ADAM29: variants seen among roughly 807,000 people sequenced by gnomAD.
ADAM29 encodes the protein disintegrin and metalloproteinase domain-containing protein 29.
For synonymous variants in ADAM29, 367 were observed against 342.3 expected, an observed-to-expected ratio of 1.07 and a Z score of -0.80; for missense variants, 969 against 1,001.8, an observed-to-expected ratio of 0.97 and a Z score of 0.44.
At chr4:174,919,320 C>CTCAT (rs747711773) in intron 1 of ADAM29, among the ~76,000 whole-genome samples, 9 of 152,090 alleles carry the variant, frequency 5.9e-5, no homozygotes, top group Non-Finnish European at 1.0e-4. Context: ...AGAGATGATT[C>CTCAT]TTTGGGTCTC....
rs1243926053 is a variant in ADAM29, at chr4:174,956,540, T to C, written c.-180-18806T>C. 2.0e-5 allele frequency among the ~76,000 whole-genome samples: 3 copies of C among 151,420 alleles called. No individual in the cohort carries two copies. In the East Asian group the frequency reaches 5.8e-4, roughly 29 times the overall value. On this transcript the variant is annotated intron_variant, in intron 4 of 4. Coordinates refer to ENST00000359240, the MANE Select transcript of ADAM29 (RefSeq NM_014269.4). Reference sequence around the variant, plus strand: ...AGAGAGAGAAAAAAAAGAGAGAGAATAATGAATAAGAGCTATAGAATCACT... The same window carrying C: ...AGAGAGAGAAAAAAAAGAGAGAGAACAATGAATAAGAGCTATAGAATCACT...
rs113860730 is a variant in ADAM29, at chr4:174,976,851, T to C, written c.1326T>C (p.Cys442=). 121 of 1,614,096 alleles carry C rather than the reference T, an allele frequency of 7.5e-5. 1 individual carries two copies. Among genetic ancestry groups the C allele is most frequent in the Non-Finnish European group, 9.6e-5 (113 of 1,180,056 alleles). Residue 442 remains cysteine, a synonymous_variant, in exon 5 of 5, where the codon TGT becomes TGC. Transcript: ENST00000359240. ...GTTCTACTTGTGCTTTTGGGCTTTGTTGCAAAGACTGCAAGTTCCTACCAT... is the reference window on the plus strand; with the variant it reads ...GTTCTACTTGTGCTTTTGGGCTTTGCTGCAAAGACTGCAAGTTCCTACCAT... ...TDGSTCAFGL[C]CKDCKFLPSG...
chr4:174,975,667 C>T lies in ADAM29; in HGVS notation c.142C>T (p.Pro48Ser), dbSNP rs754062912. The T allele has an allele frequency of 6.2e-7, 1 of 1,613,252 alleles. No individual in the cohort carries two copies. Among genetic ancestry groups the T allele is most frequent in the Non-Finnish European group, 8.5e-7 (1 of 1,179,624 alleles). ...AACTGGCACCACCAGAGGCATGACA[C>T]CTCCAGGCTGGCTCTCCTATATCCT... is the stretch of plus-strand genomic sequence containing the variant. The part of the protein sequence containing the change: ...RITGTTRGMT[P>S]PGWLSYILPF... Residue 48 changes from proline (P) to serine (S), a missense_variant, in exon 5 of 5, where the codon CCT becomes TCT. Pro to Ser is a moderately conservative substitution (Grantham distance 74). Coordinates refer to ENST00000359240, the MANE Select transcript of ADAM29 (RefSeq NM_014269.4).
At chr4:174,932,872 G>A (rs12647292) in intron 3 of ADAM29, among the ~76,000 whole-genome samples, 31,877 of 152,014 alleles carry the variant, frequency 0.21, 4,167 homozygotes, top group East Asian at 0.55. Flanking sequence ...AGGAATCAAA[G>A]AATAGATAAG....
chr4:174,932,003 A>G (rs1297984296), intron 3 of ADAM29, among the ~76,000 whole-genome samples: 3 of 152,140 alleles, frequency 2.0e-5, no homozygotes, highest in Non-Finnish European at 4.4e-5. Context: ...ATGACAATAC[A>G]TGAGGCCAGG....
chr4:174,944,716 G>A (rs910095974), intron 4 of ADAM29, among the ~76,000 whole-genome samples: 2 of 152,056 alleles, frequency 1.3e-5, no homozygotes, highest in East Asian at 3.9e-4. Context: ...CATGTCTGTT[G>A]TTCTATCCTT....
intron 2 of ADAM29, among the ~76,000 whole-genome samples, chr4:174,930,366 C>G (rs1053441392): frequency 6.6e-6 from 1 of 152,142 alleles, no homozygotes; most frequent in African/African-American, 2.4e-5. Context: ...AATAATATGT[C>G]TCTTCATTCT....
chr4:174,945,262 T>A (rs563027605), intron 4 of ADAM29, among the ~76,000 whole-genome samples: 4 of 151,660 alleles, frequency 2.6e-5, no homozygotes, highest in African/African-American at 9.7e-5. Context: ...TTGAACTGTT[T>A]CATATGCTTG....
In ADAM29 at chr4:174,976,796, G is replaced by T; in HGVS notation, c.1271G>T (p.Cys424Phe). 3.1e-6 allele frequency: 5 copies of T among 1,614,156 alleles called. No individual in the cohort carries two copies. The highest frequency in any genetic ancestry group is 2.5e-6 in the Non-Finnish European group (3 of 1,180,024). ...GPLKHCAKDPCCLSNCTLTDG... is the reference protein window; with the variant it reads ...GPLKHCAKDPFCLSNCTLTDG... ...TTAAAGCATTGTGCAAAAGATCCCT[G>T]CTGTCTGTCAAATTGCACTCTGACT... The change falls in exon 5 of 5, where the codon TGC (cysteine) becomes TTC (phenylalanine). Residue 424 changes from cysteine to phenylalanine, a missense_variant. Cys to Phe is a radical substitution (Grantham distance 205). Coordinates refer to ENST00000359240, the MANE Select transcript of ADAM29 (RefSeq NM_014269.4).
chr4:174,936,071 G>T (rs528507963), intron 3 of ADAM29, among the ~76,000 whole-genome samples: 1 of 152,038 alleles, frequency 6.6e-6, no homozygotes, highest in South Asian at 2.1e-4. Context: ...AACAGCCCAG[G>T]GCAAAATTGG....
chr4:174,946,100 A>G (rs1744835518), intron 4 of ADAM29, among the ~76,000 whole-genome samples: 1 of 152,138 alleles, frequency 6.6e-6, no homozygotes, highest in South Asian at 2.1e-4. Flanking sequence ...CATTTTAAGA[A>G]TATCGATTCT....
intron 3 of ADAM29, among the ~76,000 whole-genome samples, chr4:174,931,963 A>T (rs1039734710): frequency 2.6e-5 from 4 of 152,160 alleles, no homozygotes; most frequent in Non-Finnish European, 5.9e-5. Context: ...CATTGAAATG[A>T]AATATTTTTC....
chr4:174,962,218 T>C (rs1243589677), intron 4 of ADAM29, among the ~76,000 whole-genome samples: 1 of 152,138 alleles, frequency 6.6e-6, no homozygotes, highest in South Asian at 2.1e-4. Flanking sequence ...GTTAAAAAGA[T>C]TTACAGTTAG....
At chr4:174,928,464 A>G (rs1453076090) in intron 2 of ADAM29, among the ~76,000 whole-genome samples, 2 of 149,564 alleles carry the variant, frequency 1.3e-5, no homozygotes, top group Non-Finnish European at 3.0e-5. Context: ...AGCTGTGCGG[A>G]TGTCACAAAC....
rs143611924 is a variant in ADAM29, at chr4:174,945,941, T to C, written c.-181+8928T>C. Reference sequence around the variant, plus strand: ...CAGGTAATATGATGCCTCAGCTTTGTTCTTTTTGCTTAGAATTGCCTTGAC... The same window carrying C: ...CAGGTAATATGATGCCTCAGCTTTGCTCTTTTTGCTTAGAATTGCCTTGAC... On this transcript the variant is annotated intron_variant, in intron 4 of 4. Coordinates refer to ENST00000359240, the MANE Select transcript of ADAM29 (RefSeq NM_014269.4). Among the ~76,000 whole-genome samples the C allele has an allele frequency of 9.1e-4, 139 of 152,300 alleles. 6 individuals carry two copies. The East Asian group carries it at 0.024, about 26-fold the overall frequency.
chr4:174,918,693 T>C (rs149871806), intron 1 of ADAM29, among the ~76,000 whole-genome samples: 2,564 of 152,112 alleles, frequency 0.017, 36 homozygotes, highest in Non-Finnish European at 0.028. Flanking sequence ...GAAAACCTAA[T>C]TGAGAAATGA....
chr4:174,975,705 C>A lies in ADAM29; in HGVS notation c.180C>A (p.Gly60=). Residue 60 remains glycine, a synonymous_variant, in exon 5 of 5, where the codon GGC becomes GGA. Transcript: ENST00000359240. ...GWLSYILPFG[G]QKHIIHIKVK... ...TCTCCTATATCCTGCCCTTTGGAGGCCAGAAACACATTATCCACATAAAGG... is the reference window on the plus strand; with the variant it reads ...TCTCCTATATCCTGCCCTTTGGAGGACAGAAACACATTATCCACATAAAGG... The A allele has an allele frequency of 6.2e-7, 1 of 1,611,120 alleles. No individual in the cohort carries two copies. Among genetic ancestry groups the A allele is most frequent in the Non-Finnish European group, 8.5e-7 (1 of 1,178,756 alleles).
intron 4 of ADAM29, among the ~76,000 whole-genome samples, chr4:174,945,478 T>A (rs1172300385): frequency 6.6e-6 from 1 of 152,200 alleles, no homozygotes; most frequent in South Asian, 2.1e-4. Context: ...TAGTTTCTTG[T>A]GCTGTGCAGA....
At chr4:174,975,293 TAAG>T in intron 4 of ADAM29, 50 bp from the exon 5 acceptor site, 3 of 383,284 alleles carry the variant, frequency 7.8e-6, no homozygotes, top group Non-Finnish European at 1.4e-5. Flanking sequence ...GATTCTCTTA[TAAG>T]AAGAATTTCT....
Sources: allele counts gnomAD v4.1 joint callset (sites outside exome capture counted in the v4.1 genomes callset), GRCh38; gene constraint gnomAD v4.1.1; transcripts MANE v1.5; gene names NCBI Gene and HGNC (gene_info 2026-07-23, HGNC 2026-07-21).